The following PRDM5 variants were observed in gnomAD, a reference collection of about 807,000 sequenced individuals.
The protein encoded by PRDM5 is PR/SET domain 5, also known as PR domain zinc finger protein 5.
In PRDM5, 56 loss-of-function variants were observed where a neutral mutation model predicts 81.2. That is an observed-to-expected ratio of 0.69 (90% CI 0.56 to 0.86). The LOEUF is 0.86. Among genes scored for constraint, PRDM5 ranks in the 40% least tolerant of loss-of-function variants. The pLI is 0.00. For synonymous variants in PRDM5, 267 were observed against 256.4 expected (o/e 1.04, Z -0.39); for missense variants, 697 against 770.1 (o/e 0.91, Z 1.12).
intron 14 of PRDM5, among the ~76,000 whole-genome samples, chr4:120,745,784 G>T (rs1171276464): frequency 6.9e-6 from 1 of 145,348 alleles, no homozygotes; most frequent in East Asian, 2.0e-4. Context: ...AATAAAAGAG[G>T]ATACAAACAA....
chr4:120,782,372 T>C (rs1370644206), intron 11 of PRDM5, among the ~76,000 whole-genome samples: 2 of 152,142 alleles, frequency 1.3e-5, no homozygotes, highest in Non-Finnish European at 2.9e-5. Context: ...CTCTTCTAAA[T>C]TCCTTCCATC....
intron 3 of PRDM5, among the ~76,000 whole-genome samples, chr4:120,851,527 T>C (rs1052254616): frequency 3.3e-5 from 5 of 151,628 alleles, no homozygotes; most frequent in African/African-American, 4.8e-5. Flanking sequence ...TCATGAATAA[T>C]TGGAAAAGTG....
At chr4:120,716,931 C>T (rs182081235) in intron 14 of PRDM5, among the ~76,000 whole-genome samples, 277 of 152,032 alleles carry the variant, frequency 1.8e-3, no homozygotes, top group Non-Finnish European at 1.9e-3. Flanking sequence ...TTTCATTACC[C>T]CTAATAAGCC....
chr4:120,685,505 A>G lies in PRDM5; in HGVS notation n.104-480T>C, dbSNP rs1376875481. ...TAGTTATGTCATGATATACAAATTA[A>G]AATGTTATCAATTTGGCTCATGACT... On this transcript the variant is annotated intron_variant and non_coding_transcript_variant, in intron 1 of 1. Transcript: ENST00000513741. Among the ~76,000 whole-genome samples, 3 of 152,244 alleles carry G rather than the reference A, an allele frequency of 2.0e-5. 1 individual carries two copies. Among genetic ancestry groups the G allele is most frequent in the South Asian group, 4.1e-4 (2 of 4,832 alleles).
chr4:120,785,662 T>C (rs181282524), intron 10 of PRDM5, among the ~76,000 whole-genome samples: 25 of 152,288 alleles, frequency 1.6e-4, no homozygotes, highest in Non-Finnish European at 3.4e-4. Context: ...TCAAATGCTA[T>C]TCTAAACACT....
At chr4:120,907,689 A>G (rs1765991608) in intron 1 of PRDM5, 132 bp from the exon 2 acceptor site, 2 of 769,726 alleles carry the variant, frequency 2.6e-6, no homozygotes. Context: ...TGAAATATTA[A>G]CTAATTTACC....
At chr4:120,810,365 G>T (rs1225383908) in intron 8 of PRDM5, 1 of 152,096 alleles carries the variant, frequency 6.6e-6, no homozygotes, top group East Asian at 1.9e-4. Flanking sequence ...TAAGGGTTCT[G>T]CTTCAGAAGC....
At chr4:120,742,778 G>A (rs1388465178) in intron 14 of PRDM5, among the ~76,000 whole-genome samples, 2 of 152,098 alleles carry the variant, frequency 1.3e-5, no homozygotes, top group African/African-American at 2.4e-5. Flanking sequence ...ATGGGACTAT[G>A]TGAAAAGACC....
chr4:120,904,830 T>G (rs996124604), intron 2 of PRDM5, among the ~76,000 whole-genome samples: 2 of 152,150 alleles, frequency 1.3e-5, no homozygotes, highest in Admixed American at 6.5e-5. Flanking sequence ...ACTAAAATTT[T>G]CAGATAACAA....
chr4:120,814,524 A>G (rs566628076), intron 7 of PRDM5, among the ~76,000 whole-genome samples: 2 of 152,298 alleles, frequency 1.3e-5, no homozygotes, highest in African/African-American at 2.4e-5. Context: ...TACCCATGTT[A>G]TGGTTGCTAT....
At chr4:120,861,877 A>G (rs1561524234) in intron 2 of PRDM5, among the ~76,000 whole-genome samples, 1 of 152,210 alleles carries the variant, frequency 6.6e-6, no homozygotes, top group Non-Finnish European at 1.5e-5. Context: ...TAGAAACACT[A>G]AATAACAAAA....
At chr4:120,824,277 T>C (rs1043862386) in intron 3 of PRDM5, among the ~76,000 whole-genome samples, 1 of 152,196 alleles carries the variant, frequency 6.6e-6, no homozygotes, top group Non-Finnish European at 1.5e-5. Flanking sequence ...TGATCACTGG[T>C]TTAATATTCT....
chr4:120,689,078 G>T (rs144408809), downstream of PRDM5, among the ~76,000 whole-genome samples: 295 of 152,158 alleles, frequency 1.9e-3, no homozygotes, highest in African/African-American at 6.6e-3. Flanking sequence ...GATGCAACTC[G>T]GGTCAGATCT....
intron 14 of PRDM5, among the ~76,000 whole-genome samples, chr4:120,734,972 G>A (rs1740897403): frequency 6.6e-6 from 1 of 152,054 alleles, no homozygotes; most frequent in Non-Finnish European, 1.5e-5. Flanking sequence ...TTCAGTACAC[G>A]GCACATAGCA....
At chr4:120,846,586 C>T (rs1278157165) in intron 3 of PRDM5, among the ~76,000 whole-genome samples, 1 of 152,164 alleles carries the variant, frequency 6.6e-6, no homozygotes, top group African/African-American at 2.4e-5. Flanking sequence ...TTTACATGCA[C>T]TGTGAAACCA....
chr4:120,857,519 A>G (rs1033050345), intron 2 of PRDM5, among the ~76,000 whole-genome samples: 2 of 152,216 alleles, frequency 1.3e-5, no homozygotes, highest in African/African-American at 2.4e-5. Flanking sequence ...GCCTCTGTTG[A>G]ATGCTACTGA....
intron 8 of PRDM5, among the ~76,000 whole-genome samples, chr4:120,800,016 T>C (rs1194002065): frequency 6.6e-6 from 1 of 152,216 alleles, no homozygotes; most frequent in Non-Finnish European, 1.5e-5. Flanking sequence ...AAATTTATAC[T>C]CTGTAAAAAA....
intron 13 of PRDM5, among the ~76,000 whole-genome samples, chr4:120,766,923 G>C (rs1174873372): frequency 1.3e-5 from 2 of 152,138 alleles, no homozygotes; most frequent in African/African-American, 4.8e-5. Context: ...TTAGAAGGTG[G>C]ATACAAGATT....
intron 14 of PRDM5, among the ~76,000 whole-genome samples, chr4:120,749,249 C>T (rs1187920237): frequency 6.6e-6 from 1 of 151,508 alleles, no homozygotes; most frequent in Admixed American, 6.6e-5. Context: ...TTTGTCAGAG[C>T]AAGAGAGAAC....
Sources: gnomAD v4.1 joint callset for allele counts (sites outside exome capture counted in the v4.1 genomes callset) on GRCh38, gnomAD v4.1.1 for gene constraint, MANE v1.5 for transcripts, NCBI Gene and HGNC (gene_info 2026-07-23, HGNC 2026-07-21) for gene names.